OTUD3: variants seen among roughly 807,000 people sequenced by gnomAD.
The protein encoded by OTUD3 is OTU domain-containing protein 3.
In OTUD3, 24 loss-of-function variants were observed where a neutral mutation model predicts 46.2. The observed-to-expected ratio is 0.52, with a 90% CI of 0.38 to 0.73. OTUD3 has a LOEUF of 0.73. Ranked by LOEUF, OTUD3 falls within the 30% of genes least tolerant of loss-of-function variation. The probability of loss-of-function intolerance (pLI) is 0.00; values close to 1 mark genes in which losing one functional copy is unlikely to be tolerated. For missense variants in OTUD3, 455 were observed against 523.3 expected (o/e 0.87, Z 1.27); for synonymous variants, 189 against 195.4 (o/e 0.97, Z 0.27).
chr1:19,910,983 T>C lies in OTUD3; in HGVS notation c.*3237T>C, dbSNP rs891932984. 2.0e-5 allele frequency: 3 copies of C among 152,412 alleles called. No individual in the cohort carries two copies. The highest frequency in any genetic ancestry group is 2.0e-4 in the Admixed American group (3 of 15,286). The allele number at this position is 152,412 out of a possible 1,614,324, so 9.4% of individuals were successfully genotyped here. A position where few individuals can be genotyped will look rare whatever the true frequency, so the allele number is the denominator to read the frequency against. On this transcript the variant is annotated 3_prime_UTR_variant, in exon 8 of 8. Transcript: ENST00000375120. Reference sequence around the variant, plus strand: ...AGAAACTCTGTAGACTCTGCCTGGGTTTTACTGGGTCAGCATAGAATGCTA... The same window carrying C: ...AGAAACTCTGTAGACTCTGCCTGGGCTTTACTGGGTCAGCATAGAATGCTA...
rs971072960 is a variant in OTUD3, at chr1:19,910,780, T to C, written c.*3034T>C. 3.3e-5 allele frequency: 5 copies of C among 152,358 alleles called. No individual in the cohort carries two copies. The highest frequency in any genetic ancestry group is 1.2e-4 in the African/African-American group (5 of 41,454). The allele number at this position is 152,358 out of a possible 1,614,324, so 9.4% of individuals were successfully genotyped here. ...GGGTAATTTATTATGCCTGCCCTGC[T>C]TCCCCCAGGGAGCTGCTTCAGTGTG... On this transcript the variant is annotated 3_prime_UTR_variant, in exon 8 of 8. Coordinates refer to ENST00000375120, the MANE Select transcript of OTUD3 (RefSeq NM_015207.2).
At chr1:19,892,758 T>C (rs2045465607) in intron 2 of OTUD3, among the ~76,000 whole-genome samples, 1 of 152,210 alleles carries the variant, frequency 6.6e-6, no homozygotes, top group Non-Finnish European at 1.5e-5. Context: ...TCGGTATCAT[T>C]GTCTCTTGAT....
In OTUD3 at chr1:19,882,425, C is replaced by G. The variant is rs2045278512; in HGVS notation, c.-89C>G. ...GTAGTCGTCGCCGGGCTCCGTTGCC[C>G]GCGCTGTTTTACCTTCCCAACGCTT... On this transcript the variant is annotated 5_prime_UTR_variant, in exon 1 of 8. Coordinates refer to ENST00000375120, the MANE Select transcript of OTUD3 (RefSeq NM_015207.2). The G allele has an allele frequency of 3.8e-6, 5 of 1,299,748 alleles. No homozygotes were observed. Among genetic ancestry groups the G allele is most frequent in the Admixed American group, 4.2e-5 (1 of 23,898 alleles). The allele number at this position is 1,299,748 out of a possible 1,614,324, so 80.5% of individuals were successfully genotyped here.
At chr1:19,906,316 A>C (rs1361541327) in intron 6 of OTUD3, 116 bp from the exon 7 acceptor site, 3 of 832,018 alleles carry the variant, frequency 3.6e-6, no homozygotes, top group Admixed American at 6.7e-5. Context: ...TCTCAAGGAA[A>C]CTTACTTCCC....
At position 19,890,674 on chromosome 1, in the gene OTUD3, A is replaced by G. The variant is rs1479572350; in HGVS notation, c.370+141A>G. ...TTATTCAAGAAATATTTGTTTGCCT[A>G]CTTGGTTATCGGCAGTATGCTAGGT... On this transcript the variant is annotated intron_variant, in intron 2 of 7. Coordinates refer to ENST00000375120, the MANE Select transcript of OTUD3 (RefSeq NM_015207.2). The G allele has an allele frequency of 8.5e-6, 7 of 819,126 alleles. No individual in the cohort carries two copies. The East Asian group carries it at 1.3e-4, about 15-fold the overall frequency. 50.7% of individuals were successfully genotyped at this position (819,126 alleles called of 1,614,324 possible).
intron 3 of OTUD3, among the ~76,000 whole-genome samples, chr1:19,895,342 T>G (rs2045505122): frequency 1.3e-5 from 2 of 152,256 alleles, no homozygotes; most frequent in South Asian, 4.1e-4. Context: ...TCTATGTGTT[T>G]TGACAAACAC....
At chr1:19,889,160 A>AT (rs1215925995) in intron 1 of OTUD3, among the ~76,000 whole-genome samples, 1 of 152,244 alleles carries the variant, frequency 6.6e-6, no homozygotes, top group East Asian at 1.9e-4. Flanking sequence ...CCATTGTCAG[A>AT]TTTTAGCAAG....
chr1:19,889,047 C>A (rs1482664033), intron 1 of OTUD3, among the ~76,000 whole-genome samples: 2 of 152,066 alleles, frequency 1.3e-5, no homozygotes, highest in Non-Finnish European at 2.9e-5. Flanking sequence ...CAAGAATAGG[C>A]TAGTGGTGGC....
chr1:19,902,653 G>GT (rs1043670675), intron 4 of OTUD3, among the ~76,000 whole-genome samples: 14 of 152,038 alleles, frequency 9.2e-5, no homozygotes, highest in African/African-American at 3.1e-4. Flanking sequence ...TTTTTGAGTT[G>GT]TAAGAGTTTT....
At chr1:19,895,313 C>G (rs1362037736) in intron 3 of OTUD3, among the ~76,000 whole-genome samples, 1 of 152,212 alleles carries the variant, frequency 6.6e-6, no homozygotes, top group Non-Finnish European at 1.5e-5. Flanking sequence ...CAAACTTCAT[C>G]CTTTTCCAAG....
At chr1:19,894,602 C>A in intron 3 of OTUD3, 122 bp downstream of exon 3, 1 of 585,598 alleles carries the variant, frequency 1.7e-6, no homozygotes, top group South Asian at 2.6e-5. Context: ...GGTCTACGAG[C>A]CTAACCAAAG....
Position 19,912,562 on chromosome 1 carries a change from G to A in OTUD3, c.*4816G>A, listed in dbSNP as rs895046039. 2 of 152,608 alleles carry A rather than the reference G, an allele frequency of 1.3e-5. No homozygotes were observed. The highest frequency in any genetic ancestry group is 2.4e-5 in the African/African-American group (1 of 41,448). The allele number at this position is 152,608 out of a possible 1,614,324, so 9.5% of individuals were successfully genotyped here. ...GAGGGGTGGATGTATCCGTGGAGGA[G>A]GGGCCTTCTCTCTTTCTAATTGCAC... On this transcript the variant is annotated 3_prime_UTR_variant, in exon 8 of 8. Coordinates refer to ENST00000375120, the MANE Select transcript of OTUD3 (RefSeq NM_015207.2).
intron 2 of OTUD3, among the ~76,000 whole-genome samples, chr1:19,891,832 G>A (rs2045451091): frequency 6.6e-6 from 1 of 152,212 alleles, no homozygotes; most frequent in Non-Finnish European, 1.5e-5. Flanking sequence ...CAATCACTGA[G>A]TTCAGATGGT....
intron 7 of OTUD3, chr1:19,906,821 T>TA (rs1359833775): frequency 2.1e-6 from 1 of 470,358 alleles, no homozygotes; most frequent in Non-Finnish European, 3.8e-6. Flanking sequence ...TGGAAGGAAA[T>TA]ACACCCTGAA....
At chr1:19,905,747 A>G (rs1347045727) in intron 6 of OTUD3, among the ~76,000 whole-genome samples, 1 of 152,146 alleles carries the variant, frequency 6.6e-6, no homozygotes, top group Non-Finnish European at 1.5e-5. Context: ...TCTCAAAAAA[A>G]AGAGAAAAGG....
chr1:19,885,705 T>C (rs535974365), intron 1 of OTUD3, among the ~76,000 whole-genome samples: 17 of 152,210 alleles, frequency 1.1e-4, no homozygotes, highest in Non-Finnish European at 2.1e-4. Flanking sequence ...CCATCCGCCT[T>C]GGCCTCCCAA....
intron 3 of OTUD3, among the ~76,000 whole-genome samples, chr1:19,896,759 C>T (rs930918044): frequency 2.6e-5 from 4 of 152,156 alleles, no homozygotes; most frequent in Non-Finnish European, 4.4e-5. Flanking sequence ...TTTCTTTGGA[C>T]GTGGCGAGTT....
In OTUD3 at chr1:19,884,965, A is replaced by G. The variant is rs532091531; in HGVS notation, c.221+2231A>G. Among the ~76,000 whole-genome samples the G allele has an allele frequency of 5.9e-5, 9 of 152,010 alleles. 1 individual carries two copies. The highest frequency in any genetic ancestry group is 5.2e-4 in the Admixed American group (8 of 15,282). On this transcript the variant is annotated intron_variant, in intron 1 of 7. Coordinates refer to ENST00000375120, the MANE Select transcript of OTUD3 (RefSeq NM_015207.2). ...AGGAAGTCCTTCTCGTTCATTCGGT[A>G]AATACTCATTGGATACACTGCTAGA...
Position 19,882,734 on chromosome 1 carries a change from G to A in OTUD3, c.221G>A (p.Gly74Asp). The A allele has an allele frequency of 7.4e-7, 1 of 1,347,784 alleles. No individual in the cohort carries two copies. Among genetic ancestry groups the A allele is most frequent in the Non-Finnish European group, 9.5e-7 (1 of 1,050,028 alleles). 83.5% of individuals were successfully genotyped at this position (1,347,784 alleles called of 1,614,324 possible). A position where few individuals can be genotyped will look rare whatever the true frequency, so the allele number is the denominator to read the frequency against. ...GLKLREVPGD[G>D]NCLFRALGDQ... is the part of the protein sequence containing the mutation. ...AAGCTGCGGGAGGTGCCGGGGGACGGGTGAGGCGGGCCGGGAGCGAGGGAG... is the reference window on the plus strand; with the variant it reads ...AAGCTGCGGGAGGTGCCGGGGGACGAGTGAGGCGGGCCGGGAGCGAGGGAG... The change falls in exon 1 of 8, where the codon GGC (glycine) becomes GAC (aspartate). Residue 74 changes from glycine to aspartate, a missense_variant and splice_region_variant. Transcript: ENST00000375120.
Sources: gnomAD v4.1 joint callset for allele counts (sites outside exome capture counted in the v4.1 genomes callset) on GRCh38, gnomAD v4.1.1 for gene constraint, MANE v1.5 for transcripts, NCBI Gene and HGNC (gene_info 2026-07-23, HGNC 2026-07-21) for gene names.